The following MPP7 variants were observed in gnomAD, a reference collection of about 807,000 sequenced individuals.
MPP7 encodes the protein MAGUK p55 scaffold protein 7, also known as MAGUK p55 subfamily member 7.
Under a neutral mutation model 76.5 loss-of-function variants are expected in MPP7, and 60 were observed. That is an observed-to-expected ratio of 0.78 (90% confidence interval 0.64 to 0.97). The LOEUF (loss-of-function observed/expected upper bound fraction) is 0.97, where lower values mean the gene tolerates loss of function less well. MPP7 is among the 50% of genes least tolerant of loss of function. The probability of loss-of-function intolerance (pLI) is 0.00; values close to 1 mark genes in which losing one functional copy is unlikely to be tolerated. For synonymous variants in MPP7, 237 were observed against 244.5 expected (o/e 0.97, Z 0.29); for missense variants, 641 against 694.0 (o/e 0.92, Z 0.86).
chr10:28,105,640 T>C (rs1449888536), intron 11 of MPP7, among the ~76,000 whole-genome samples: 1 of 152,176 alleles, frequency 6.6e-6, no homozygotes, highest in Non-Finnish European at 1.5e-5. Flanking sequence ...CCTGAGTAAC[T>C]TGGATTACAG....
At chr10:28,062,926 T>G (rs11006819) in intron 13 of MPP7, among the ~76,000 whole-genome samples, 1 of 151,940 alleles carries the variant, frequency 6.6e-6, no homozygotes, top group African/African-American at 2.4e-5. Flanking sequence ...TTTGCAACCT[T>G]GAGATAGCAA....
chr10:28,217,537 A>AAAAAAAAAAG (rs1554852920), intron 2 of MPP7, among the ~76,000 whole-genome samples: 36 of 138,128 alleles, frequency 2.6e-4, no homozygotes, highest in East Asian at 1.1e-3. Flanking sequence ...AAAAAAAAAA[A>AAAAAAAAAAG]AAAAGAAAAG....
intron 5 of MPP7, among the ~76,000 whole-genome samples, chr10:28,135,562 T>A (rs1271533152): frequency 1.3e-5 from 2 of 152,144 alleles, no homozygotes; most frequent in Non-Finnish European, 2.9e-5. Flanking sequence ...ATCCAGCCCA[T>A]AAATGTCAAT....
chr10:28,222,896 T>A (rs1838563921), intron 2 of MPP7, among the ~76,000 whole-genome samples: 1 of 149,720 alleles, frequency 6.7e-6, no homozygotes, highest in South Asian at 2.1e-4. Context: ...TAGGTAGTAT[T>A]ACATACACAT....
At chr10:28,079,299 T>A (rs1343518929) in intron 12 of MPP7, among the ~76,000 whole-genome samples, 1 of 152,046 alleles carries the variant, frequency 6.6e-6, no homozygotes, top group Non-Finnish European at 1.5e-5. Context: ...TCTGTAAACA[T>A]GGTCTCCCCA....
chr10:28,199,048 C>T (rs773263900), intron 3 of MPP7, among the ~76,000 whole-genome samples: 1 of 152,050 alleles, frequency 6.6e-6, no homozygotes, highest in Non-Finnish European at 1.5e-5. Context: ...ATGGCAGAGG[C>T]GAAAGGCACA....
rs1352030456 is a variant in MPP7 at position 28,275,679 on chromosome 10, G to T, written c.-132+27182C>A. ...GCCTCGGCCTCCCAAAATGCTGGGA[G>T]TACAGGCTTGAGCCACCATGCCCAA... On this transcript the variant is annotated intron_variant, in intron 1 of 16. Coordinates refer to ENST00000683449, the MANE Select transcript of MPP7 (RefSeq NM_001318170.2). Among the ~76,000 whole-genome samples the T allele has an allele frequency of 1.4e-3, 211 of 150,948 alleles. 1 individual carries two copies. The highest frequency in any genetic ancestry group is 4.8e-3 in the African/African-American group (197 of 40,638).
At chr10:28,120,119 C>A in intron 10 of MPP7, 75 bp downstream of exon 10, 1 of 1,447,680 alleles carries the variant, frequency 6.9e-7, no homozygotes, top group Non-Finnish European at 9.4e-7. Flanking sequence ...TTTATCACAT[C>A]AATGCCAGAA....
chr10:28,281,030 A>G (rs12256403), intron 1 of MPP7, among the ~76,000 whole-genome samples: 53,988 of 151,768 alleles, frequency 0.36, 9,978 homozygotes, highest in Non-Finnish European at 0.4. Context: ...AGTAATTTAG[A>G]CTCAGTGTGG....
At chr10:28,233,187 G>A (rs1344210668) in intron 2 of MPP7, among the ~76,000 whole-genome samples, 4 of 152,138 alleles carry the variant, frequency 2.6e-5, no homozygotes, top group Non-Finnish European at 4.4e-5. Context: ...TAAGTAAATC[G>A]ATGGTGGATG....
chr10:28,142,612 T>A (rs1250800074), intron 5 of MPP7, among the ~76,000 whole-genome samples: 1 of 152,088 alleles, frequency 6.6e-6, no homozygotes, highest in Non-Finnish European at 1.5e-5. Flanking sequence ...GCACCTGTAG[T>A]CCCAGCTAGT....
At chr10:28,105,518 A>C (rs1483437663) in intron 11 of MPP7, among the ~76,000 whole-genome samples, 1 of 152,086 alleles carries the variant, frequency 6.6e-6, no homozygotes, top group Non-Finnish European at 1.5e-5. Flanking sequence ...GCTAATTATT[A>C]TTATTTTGAG....
At chr10:28,118,860 T>C in intron 11 of MPP7, 1 of 985,384 alleles carries the variant, frequency 1.0e-6, no homozygotes, top group Non-Finnish European at 1.2e-6. Context: ...AAACAGATGT[T>C]GGTGTAAAAT....
intron 12 of MPP7, among the ~76,000 whole-genome samples, chr10:28,082,340 T>C (rs1852801017): frequency 6.6e-6 from 1 of 152,200 alleles, no homozygotes; most frequent in South Asian, 2.1e-4. Flanking sequence ...TTCATGTTTA[T>C]CTTATTATGT....
chr10:28,149,778 T>C (rs1370251696), intron 4 of MPP7, among the ~76,000 whole-genome samples: 3 of 152,212 alleles, frequency 2.0e-5, no homozygotes, highest in African/African-American at 4.8e-5. Flanking sequence ...AGTAGCTACA[T>C]GCAAAATTTT....
At chr10:28,115,424 C>T (rs570626464) in intron 11 of MPP7, among the ~76,000 whole-genome samples, 1 of 152,140 alleles carries the variant, frequency 6.6e-6, no homozygotes, top group South Asian at 2.1e-4. Context: ...TTTTTTAAAA[C>T]CCCACGTGTT....
At chr10:28,123,464 T>C (rs1478633067) in intron 8 of MPP7, among the ~76,000 whole-genome samples, 2 of 90,686 alleles carry the variant, frequency 2.2e-5, no homozygotes, top group Non-Finnish European at 3.7e-5. Flanking sequence ...ACTAAATTCT[T>C]TTTTTTTTTT....
At chr10:28,281,041 T>C (rs1002496263) in intron 1 of MPP7, among the ~76,000 whole-genome samples, 1 of 151,990 alleles carries the variant, frequency 6.6e-6, no homozygotes, top group African/African-American at 2.4e-5. Flanking sequence ...CTCAGTGTGG[T>C]AGAGTAGATC....
At chr10:28,244,177 A>G (rs941059771) in intron 1 of MPP7, among the ~76,000 whole-genome samples, 2 of 152,204 alleles carry the variant, frequency 1.3e-5, no homozygotes, top group African/African-American at 4.8e-5. Context: ...GCTGACCACT[A>G]TTCTATATCC....
Sources: gnomAD v4.1 joint callset for allele counts (sites outside exome capture counted in the v4.1 genomes callset) on GRCh38, gnomAD v4.1.1 for gene constraint, MANE v1.5 for transcripts, NCBI Gene and HGNC (gene_info 2026-07-23, HGNC 2026-07-21) for gene names.